MAST4: variants seen among roughly 807,000 people sequenced by gnomAD.
The protein encoded by MAST4 is microtubule associated serine/threonine kinase family member 4, also known as microtubule-associated serine/threonine-protein kinase 4.
In MAST4, 89 loss-of-function variants were observed where a neutral mutation model predicts 162.7. That is an observed-to-expected ratio of 0.55 (90% CI 0.46 to 0.65). The LOEUF (loss-of-function observed/expected upper bound fraction) is 0.65. MAST4 is among the 30% of genes least tolerant of loss of function. The probability of loss-of-function intolerance (pLI) is 0.00; values close to 1 mark genes in which losing one functional copy is unlikely to be tolerated. For synonymous variants in MAST4, 1,479 were observed against 1,361.1 expected, an observed-to-expected ratio of 1.09 and a Z score of -1.91; for missense variants, 3,153 against 3,374.0, an observed-to-expected ratio of 0.93 and a Z score of 1.62.
At position 67,090,240 on chromosome 5, in the gene MAST4, T is replaced by A; in HGVS notation, c.833+9T>A. 6.2e-7 allele frequency: 1 copy of A among 1,605,228 alleles called. No individual in the cohort carries two copies. The highest frequency in any genetic ancestry group is 8.5e-7 in the Non-Finnish European group (1 of 1,173,112). On this transcript the variant is annotated intron_variant, in intron 6 of 28. Transcript: ENST00000403625. The stretch of plus-strand genomic sequence containing the variant: ...TTTTCATTTGCACGGAGGTAAGGAC[T>A]TTTTGTGAGTGGAGGCATAAGGTCT...
intron 3 of MAST4, among the ~76,000 whole-genome samples, chr5:66,864,540 G>A (rs1274616730): frequency 6.6e-6 from 1 of 152,098 alleles, no homozygotes; most frequent in African/African-American, 2.4e-5. Flanking sequence ...GCATATTACG[G>A]CATCTTCCCT....
chr5:66,702,574 G>A (rs1204487330), intron 1 of MAST4, among the ~76,000 whole-genome samples: 1 of 152,178 alleles, frequency 6.6e-6, no homozygotes, highest in Non-Finnish European at 1.5e-5. Context: ...AGAATGAAAT[G>A]AGACAGCCAA....
At chr5:66,712,902 G>T (rs1348280229) in intron 1 of MAST4, among the ~76,000 whole-genome samples, 2 of 152,124 alleles carry the variant, frequency 1.3e-5, no homozygotes, top group African/African-American at 4.8e-5. Flanking sequence ...TTGATTTGCA[G>T]TATTGCAATC....
chr5:66,911,010 T>A (rs1399472099), intron 4 of MAST4, among the ~76,000 whole-genome samples: 1 of 152,214 alleles, frequency 6.6e-6, no homozygotes, highest in Admixed American at 6.5e-5. Flanking sequence ...CCTCCCAAAG[T>A]GTTGGGATTA....
chr5:66,893,372 A>AT (rs34342512), intron 3 of MAST4, among the ~76,000 whole-genome samples: 189 of 143,234 alleles, frequency 1.3e-3, no homozygotes, highest in African/African-American at 3.6e-3. Context: ...CGCCCAGCTA[A>AT]TTTTTTTTTT....
At chr5:66,992,483 C>G (rs1750172999) in intron 4 of MAST4, among the ~76,000 whole-genome samples, 1 of 152,144 alleles carries the variant, frequency 6.6e-6, no homozygotes, top group South Asian at 2.1e-4. Context: ...CATGGGCAGA[C>G]TTTCCCCATC....
At chr5:66,862,530 G>T (rs1760194273) in intron 3 of MAST4, among the ~76,000 whole-genome samples, 1 of 152,152 alleles carries the variant, frequency 6.6e-6, no homozygotes, top group Non-Finnish European at 1.5e-5. Context: ...GTTTTAAAAT[G>T]CTCTAACAAA....
At chr5:66,725,432 T>G (rs926839681) in intron 1 of MAST4, among the ~76,000 whole-genome samples, 1 of 152,226 alleles carries the variant, frequency 6.6e-6, no homozygotes. Context: ...ATGGTTCACT[T>G]GCTTCAGCTG....
intron 3 of MAST4, among the ~76,000 whole-genome samples, chr5:66,800,711 T>C (rs192725528): frequency 3.3e-5 from 5 of 152,202 alleles, no homozygotes; most frequent in African/African-American, 9.6e-5. Context: ...AAACACTACA[T>C]AAATAAATAA....
intron 10 of MAST4, among the ~76,000 whole-genome samples, chr5:67,109,632 A>G (rs1483183334): frequency 6.6e-6 from 1 of 152,188 alleles, no homozygotes; most frequent in African/African-American, 2.4e-5. Flanking sequence ...TTATAGGCGA[A>G]TCATATTGGA....
intron 1 of MAST4, among the ~76,000 whole-genome samples, chr5:66,694,748 A>C (rs1298964082): frequency 6.6e-6 from 1 of 152,148 alleles, no homozygotes; most frequent in Non-Finnish European, 1.5e-5. Context: ...TGGCCTTCCA[A>C]AGTGGTGGTA....
At chr5:67,022,481 T>C (rs926620508) in intron 4 of MAST4, among the ~76,000 whole-genome samples, 2 of 152,002 alleles carry the variant, frequency 1.3e-5, no homozygotes, top group Admixed American at 6.6e-5. Context: ...GCATATACTT[T>C]AGGACGAAGA....
At chr5:66,670,478 A>G (rs1561251143) in intron 1 of MAST4, among the ~76,000 whole-genome samples, 1 of 152,176 alleles carries the variant, frequency 6.6e-6, no homozygotes, top group Non-Finnish European at 1.5e-5. Context: ...GAAGCCATTT[A>G]ATTATGTTAC....
At chr5:66,870,637 G>C (rs1760861659) in intron 3 of MAST4, 1 of 355,500 alleles carries the variant, frequency 2.8e-6, no homozygotes, top group Admixed American at 3.8e-5. Context: ...TTGTGTTTTT[G>C]TTATTGATGT....
chr5:67,164,021 CGCCAGCGAGGGT>C lies in MAST4; in HGVS notation c.4845_4856del (p.Ser1616_Ala1619del). ...CTCTTCACAAGCAGGCCAGCGTGCG[CGCCAGCGAGGGT>C]GCGATGTCGGATGGCCGGGTGCCTG... On this transcript the variant is annotated inframe_deletion, in exon 29 of 29. Coordinates refer to ENST00000403625, the MANE Select transcript of MAST4 (RefSeq NM_001164664.2). The surrounding 1 kb of genome is among the most constrained non-coding windows in gnomAD (Gnocchi z 5.3). The C allele has an allele frequency of 1.9e-6, 3 of 1,589,068 alleles. No homozygotes were observed. The highest frequency in any genetic ancestry group is 2.6e-6 in the Non-Finnish European group (3 of 1,167,438).
chr5:66,701,857 A>G (rs1749798027), intron 1 of MAST4, among the ~76,000 whole-genome samples: 1 of 152,180 alleles, frequency 6.6e-6, no homozygotes, highest in Non-Finnish European at 1.5e-5. Context: ...ATTGGTTTTC[A>G]CCTTTTAGAG....
chr5:66,879,788 C>T (rs1049475403), intron 3 of MAST4, among the ~76,000 whole-genome samples: 1 of 152,216 alleles, frequency 6.6e-6, no homozygotes, highest in Non-Finnish European at 1.5e-5. Context: ...TCTGGGATTA[C>T]AGGCATGAGA....
At chr5:66,788,593 C>T in intron 2 of MAST4, 77 bp from the exon 3 acceptor site, 2 of 865,164 alleles carry the variant, frequency 2.3e-6, no homozygotes, top group Non-Finnish European at 3.5e-6. Flanking sequence ...GAAGAGACAC[C>T]CCACCCCCAC....
At chr5:66,938,900 A>G (rs531872812) in intron 4 of MAST4, among the ~76,000 whole-genome samples, 1 of 152,310 alleles carries the variant, frequency 6.6e-6, no homozygotes, top group South Asian at 2.1e-4. Flanking sequence ...TAGAGATAAT[A>G]GTGAAAAATA....
Sources: allele counts gnomAD v4.1 joint callset (sites outside exome capture counted in the v4.1 genomes callset), GRCh38; gene constraint gnomAD v4.1.1; non-coding constraint Gnocchi (gnomAD v3.1); transcripts MANE v1.5; gene names NCBI Gene and HGNC (gene_info 2026-07-23, HGNC 2026-07-21).